The following A2M variants were observed in gnomAD, a reference collection of about 807,000 sequenced individuals.
A2M encodes C3 and PZP-like alpha-2-macroglobulin domain-containing protein 5.
A neutral mutation model predicts 183.9 loss-of-function variants in A2M; 128 were observed. The observed-to-expected ratio is 0.70, with a 90% confidence interval of 0.60 to 0.81. The LOEUF (loss-of-function observed/expected upper bound fraction) is 0.81, where lower values mean the gene tolerates loss of function less well. A2M is among the 30% of genes least tolerant of loss of function. The probability of loss-of-function intolerance (pLI) is 0.00; values close to 1 mark genes in which losing one functional copy is unlikely to be tolerated. For missense variants in A2M, 1,495 were observed against 1,787.6 expected, an observed-to-expected ratio of 0.84 and a Z score of 2.95; for synonymous variants, 592 against 670.8, an observed-to-expected ratio of 0.88 and a Z score of 1.81.
chr12:9,069,950 G>T (rs753265054), intron 32 of A2M, 137 bp from the exon 33 acceptor site: 2 of 685,458 alleles, frequency 2.9e-6, no homozygotes, highest in Admixed American at 5.0e-5. Context: ...AATATATAAT[G>T]TAATACAATT....
Position 9,072,873 on chromosome 12 carries a change from T to C in A2M, c.3757-2A>G, listed in dbSNP as rs755061210. 1 of 1,612,056 alleles carries C rather than the reference T, an allele frequency of 6.2e-7. No individual in the cohort carries two copies. The highest frequency in any genetic ancestry group is 8.5e-7 in the Non-Finnish European group (1 of 1,178,462). On this transcript the variant is annotated splice_acceptor_variant, in intron 29 of 35. Transcript: ENST00000318602. LOFTEE classifies it high-confidence loss of function. ...AGCATGGAGAGCCACCACTGTGTCC[T>C]GTTAGAGACAGATGAGTGAGAGAAC...
At chr12:9,075,429 T>C (rs1432332018) in intron 28 of A2M, among the ~76,000 whole-genome samples, 1 of 152,198 alleles carries the variant, frequency 6.6e-6, no homozygotes. Context: ...TGCAGCATTT[T>C]TTTTAATAGC....
chr12:9,081,565 C>T (rs186822374), intron 22 of A2M, among the ~76,000 whole-genome samples: 2 of 152,308 alleles, frequency 1.3e-5, no homozygotes, highest in African/African-American at 4.8e-5. Context: ...AAGTCTAGGA[C>T]ACCTACATTG....
At position 9,101,214 on chromosome 12, in the gene A2M, A is replaced by G; in HGVS notation, c.1495-7T>C. 1 of 1,554,888 alleles carries G rather than the reference A, an allele frequency of 6.4e-7. No individual in the cohort carries two copies. Among genetic ancestry groups the G allele is most frequent in the Non-Finnish European group, 8.7e-7 (1 of 1,148,598 alleles). ...TGCCTCCCTTTGCCATTATCTGCAA[A>G]AAAGGAAATAAAAAGAAATTAAATG... On this transcript the variant is annotated splice_polypyrimidine_tract_variant and splice_region_variant and intron_variant, in intron 12 of 35. Transcript: ENST00000318602.
chr12:9,097,747 C>G (rs909840398), intron 15 of A2M, among the ~76,000 whole-genome samples: 82 of 151,558 alleles, frequency 5.4e-4, no homozygotes, highest in African/African-American at 1.9e-3. Context: ...ATTCTCCTGC[C>G]TCAGCCTCCT....
chr12:9,077,981 T>C (rs1209725084), intron 25 of A2M, 124 bp from the exon 26 acceptor site: 36 of 1,066,528 alleles, frequency 3.4e-5, no homozygotes, highest in Non-Finnish European at 4.8e-5. Flanking sequence ...AGAGAGCTTA[T>C]CTCCTTGATT....
At chr12:9,106,150 C>T in intron 10 of A2M, 86 bp downstream of exon 10, 1 of 737,728 alleles carries the variant, frequency 1.4e-6, no homozygotes, top group Non-Finnish European at 2.3e-6. Flanking sequence ...TAACATTAAC[C>T]AGGCATGGTT....
At chr12:9,093,383 TA>T (rs1565591650) in intron 18 of A2M, 81 bp downstream of exon 18, 1 of 917,526 alleles carries the variant, frequency 1.1e-6, no homozygotes, top group Non-Finnish European at 1.8e-6. Context: ...TATAAAACAA[TA>T]AAAACAGAAA....
At chr12:9,099,546 G>A (rs1345157604) in intron 13 of A2M, 23 bp from the exon 14 acceptor site, 1 of 1,597,472 alleles carries the variant, frequency 6.3e-7, no homozygotes, top group Admixed American at 1.7e-5. Flanking sequence ...GAGAATGAGA[G>A]GAAGCCATCA....
chr12:9,081,091 A>G (rs1305245225), intron 22 of A2M, among the ~76,000 whole-genome samples: 1 of 152,202 alleles, frequency 6.6e-6, no homozygotes, highest in African/African-American at 2.4e-5. Context: ...AACAAAGTTA[A>G]AAAAATGACC....
chr12:9,114,104 A>C (rs1010259554), intron 1 of A2M, among the ~76,000 whole-genome samples: 18 of 152,192 alleles, frequency 1.2e-4, no homozygotes, highest in African/African-American at 4.3e-4. Flanking sequence ...TAAGCAGCTA[A>C]TAAGGTCTTA....
rs369403894 is a variant in A2M, at chr12:9,091,384, G to A, written c.2286C>T (p.Ile762=). ...AGAAGGCCCCTGCCTTCCACTCGGT[G>A]ATGGTGTCAGGGACTGTTACTCCTA... ...AEVGVTVPDT[I]TEWKAGAFCL... Residue 762 remains isoleucine (I), a synonymous_variant, in exon 19 of 36, where the codon ATC becomes ATT. Transcript: ENST00000318602. The A allele has an allele frequency of 1.2e-6, 2 of 1,614,192 alleles. No homozygotes were observed. Among genetic ancestry groups the A allele is most frequent in the Non-Finnish European group, 1.7e-6 (2 of 1,180,036 alleles).
At chr12:9,104,531 A>AG (rs1938138243) in intron 10 of A2M, 131 bp from the exon 11 acceptor site, 1 of 933,196 alleles carries the variant, frequency 1.1e-6, no homozygotes, top group Non-Finnish European at 1.6e-6. Context: ...ACAGCAGTGA[A>AG]AAAAAACGAA....
intron 34 of A2M, 79 bp from the exon 35 acceptor site, chr12:9,068,303 G>A: frequency 3.5e-6 from 5 of 1,440,146 alleles, no homozygotes; most frequent in Non-Finnish European, 4.7e-6. Flanking sequence ...TGGGATACAG[G>A]CCAAGGAAGG....
At chr12:9,096,837 G>A (rs759378470) in intron 15 of A2M, among the ~76,000 whole-genome samples, 2 of 152,262 alleles carry the variant, frequency 1.3e-5, no homozygotes, top group East Asian at 3.9e-4. Context: ...TAAGTTCCAT[G>A]AGACATACAT....
Position 9,095,033 on chromosome 12 carries a change from A to G in A2M, c.2065T>C (p.Cys689Arg). Residue 689 changes from cysteine to arginine, a missense_variant, in exon 17 of 36, where the codon TGT (cysteine) becomes CGT (arginine). Cys to Arg is a radical substitution (Grantham distance 180). Coordinates refer to ENST00000318602, the MANE Select transcript of A2M (RefSeq NM_000014.6). ...ATTTCATACTGTTGAAGCTGTGGAC[A>G]CATTTTGGGTTTACGAATCTTTGAG... ...TNSKIRKPKM[C>R]PQLQQYEMHG... 1 of 1,597,938 alleles carries G rather than the reference A, an allele frequency of 6.3e-7. No homozygotes were observed. Among genetic ancestry groups the G allele is most frequent in the Non-Finnish European group, 8.5e-7 (1 of 1,171,176 alleles).
intron 6 of A2M, 61 bp from the exon 7 acceptor site, chr12:9,109,466 TTC>T: frequency 7.6e-7 from 1 of 1,323,310 alleles, no homozygotes; most frequent in African/African-American, 1.4e-5. Flanking sequence ...AATTCCTATT[TTC>T]AGGTTCCCTG....
chr12:9,083,996 A>T (rs998031138), intron 22 of A2M, among the ~76,000 whole-genome samples: 3 of 152,208 alleles, frequency 2.0e-5, no homozygotes, highest in Non-Finnish European at 2.9e-5. Flanking sequence ...TTTAGCAGTA[A>T]CCCGGCAGGC....
chr12:9,073,750 G>A (rs1403545370), intron 29 of A2M, among the ~76,000 whole-genome samples: 1 of 152,154 alleles, frequency 6.6e-6, no homozygotes, highest in African/African-American at 2.4e-5. Flanking sequence ...GATGAATAAA[G>A]ACAGTTCTTT....
Sources: gnomAD v4.1 joint callset for allele counts (sites outside exome capture counted in the v4.1 genomes callset) on GRCh38, gnomAD v4.1.1 for gene constraint, MANE v1.5 for transcripts, NCBI Gene and HGNC (gene_info 2026-07-23, HGNC 2026-07-21) for gene names.